The following AP3B1 variants were observed in gnomAD, a reference collection of about 807,000 sequenced individuals.
AP3B1 encodes the protein AP-3 complex subunit beta-1.
A neutral mutation model predicts 132.5 loss-of-function variants in AP3B1; 61 were observed. The observed-to-expected ratio is 0.46, with a 90% CI of 0.37 to 0.57. AP3B1 has a LOEUF of 0.57. AP3B1 is among the 20% of genes least tolerant of loss of function. AP3B1 has a pLI of 0.00. For missense variants in AP3B1, 1,120 were observed against 1,289.4 expected, an observed-to-expected ratio of 0.87 and a Z score of 2.01; for synonymous variants, 388 against 438.3, an observed-to-expected ratio of 0.89 and a Z score of 1.43.
intron 1 of AP3B1, among the ~76,000 whole-genome samples, chr5:78,275,858 A>AT (rs1748751978): frequency 6.6e-6 from 1 of 152,198 alleles, no homozygotes; most frequent in African/African-American, 2.4e-5. Context: ...TTCGAACAAC[A>AT]TAATTAAACA....
At chr5:78,094,321 T>C (rs973652671) in intron 21 of AP3B1, among the ~76,000 whole-genome samples, 5 of 152,238 alleles carry the variant, frequency 3.3e-5, no homozygotes, top group Non-Finnish European at 2.9e-5. Context: ...TATTGTTAAC[T>C]GACCCCCATG....
At chr5:78,278,358 G>GA (rs1268797465) in intron 1 of AP3B1, among the ~76,000 whole-genome samples, 19 of 93,274 alleles carry the variant, frequency 2.0e-4, no homozygotes, top group South Asian at 7.1e-4. Flanking sequence ...CTAATTCTTT[G>GA]GGAGGCCGAG....
intron 17 of AP3B1, among the ~76,000 whole-genome samples, chr5:78,122,155 G>A (rs1356719702): frequency 3.3e-5 from 5 of 152,080 alleles, no homozygotes; most frequent in Admixed American, 3.3e-4. Flanking sequence ...AACCCTTCAT[G>A]CTAAAAACTC....
intron 11 of AP3B1, among the ~76,000 whole-genome samples, chr5:78,168,079 G>A (rs1264012451): frequency 2.0e-5 from 3 of 149,922 alleles, no homozygotes; most frequent in Admixed American, 2.0e-4. Context: ...AGAAGGCAAA[G>A]ACTGTAGGAG....
intron 22 of AP3B1, 103 bp downstream of exon 22, chr5:78,089,290 T>A: frequency 1.2e-6 from 1 of 857,908 alleles, no homozygotes; most frequent in Non-Finnish European, 1.9e-6. Flanking sequence ...TAGAGAAGAA[T>A]CTGTTCAAAA....
At chr5:78,088,957 AAGAC>A (rs1401669786) in intron 22 of AP3B1, 2 of 161,458 alleles carry the variant, frequency 1.2e-5, no homozygotes, top group African/African-American at 4.8e-5. Context: ...GTACAAAAAT[AAGAC>A]AGAAAAAAAA....
At chr5:78,290,906 C>T (rs1039497781) in intron 1 of AP3B1, among the ~76,000 whole-genome samples, 1 of 152,116 alleles carries the variant, frequency 6.6e-6, no homozygotes, top group Non-Finnish European at 1.5e-5. Flanking sequence ...GCCATGATCA[C>T]ACCACTGCAC....
chr5:78,271,964 C>T (rs904895609), intron 1 of AP3B1, among the ~76,000 whole-genome samples: 1 of 152,166 alleles, frequency 6.6e-6, no homozygotes, highest in African/African-American at 2.4e-5. Flanking sequence ...CCCTTCCAGG[C>T]TCTAACAATT....
intron 14 of AP3B1, among the ~76,000 whole-genome samples, chr5:78,149,821 G>A (rs1018638738): frequency 6.6e-6 from 1 of 152,084 alleles, no homozygotes; most frequent in African/African-American, 2.4e-5. Context: ...GAGAAGTCTT[G>A]GCTTTGATCA....
rs539467531 is a variant in AP3B1 at position 78,029,626 on chromosome 5, C to T, written c.2894+4735G>A. ...ATTTGCCATGCTTTTTCCTCTTCCT[C>T]TTGGTTAAACTGACCAAGTTTTAAA... On this transcript the variant is annotated intron_variant, in intron 24 of 26. Transcript: ENST00000255194. 4.6e-5 allele frequency among the ~76,000 whole-genome samples: 7 copies of T among 152,274 alleles called. No homozygotes were observed. In the East Asian group the frequency reaches 1.3e-3, roughly 29 times the overall value.
At chr5:78,172,151 T>C (rs1343276253) in intron 11 of AP3B1, among the ~76,000 whole-genome samples, 1 of 152,268 alleles carries the variant, frequency 6.6e-6, no homozygotes, top group Non-Finnish European at 1.5e-5. Context: ...CATTATTTTA[T>C]TGAGGATTTT....
At chr5:78,036,888 A>G (rs1393880308) in intron 23 of AP3B1, among the ~76,000 whole-genome samples, 1 of 152,036 alleles carries the variant, frequency 6.6e-6, no homozygotes, top group Non-Finnish European at 1.5e-5. Flanking sequence ...TAATTTAGAC[A>G]TATTATATTC....
At chr5:78,205,453 A>G (rs977870748) in intron 7 of AP3B1, among the ~76,000 whole-genome samples, 5 of 151,896 alleles carry the variant, frequency 3.3e-5, no homozygotes, top group African/African-American at 7.3e-5. Context: ...ACACACACAC[A>G]CGCACACAAA....
intron 17 of AP3B1, 122 bp from the exon 18 acceptor site, chr5:78,116,356 G>A (rs1231761494): frequency 2.5e-6 from 2 of 792,380 alleles, no homozygotes; most frequent in African/African-American, 3.4e-5. Flanking sequence ...CACAGGGAAT[G>A]CAACTGTTAG....
rs748762029 is a variant in AP3B1, at chr5:78,110,170, A to AT, written c.2397+36dup. 7 of 1,566,502 alleles carry AT rather than the reference A, an allele frequency of 4.5e-6. No homozygotes were observed. In the African/African-American group the frequency reaches 9.4e-5, roughly 21 times the overall value. ...TGTCTATTTTAGTTGCTATAAGAAT[A>AT]TTTACCTTCAATTACAACAAATGTA... On this transcript the variant is annotated intron_variant, in intron 20 of 26. Transcript: ENST00000255194.
At chr5:78,202,287 C>A (rs1455343418) in intron 7 of AP3B1, among the ~76,000 whole-genome samples, 1 of 152,108 alleles carries the variant, frequency 6.6e-6, no homozygotes, top group East Asian at 1.9e-4. Flanking sequence ...TCTTTATTGG[C>A]AGCATGAAAA....
intron 22 of AP3B1, among the ~76,000 whole-genome samples, chr5:78,088,477 C>T (rs1028157690): frequency 2.6e-5 from 4 of 152,060 alleles, no homozygotes; most frequent in Non-Finnish European, 5.9e-5. Context: ...GCCCTGATAG[C>T]ATATTTGCTT....
intron 15 of AP3B1, among the ~76,000 whole-genome samples, chr5:78,137,103 A>C (rs535851053): frequency 2.3e-3 from 344 of 152,258 alleles, no homozygotes; most frequent in Non-Finnish European, 3.2e-3. Context: ...GGTTCTTCTT[A>C]TGTTGAGTAA....
intron 6 of AP3B1, among the ~76,000 whole-genome samples, chr5:78,224,963 T>C (rs1006687035): frequency 2.0e-5 from 3 of 152,002 alleles, no homozygotes; most frequent in Non-Finnish European, 4.4e-5. Flanking sequence ...CAGATATCTA[T>C]AGAACACTCC....
Sources: allele counts gnomAD v4.1 joint callset (sites outside exome capture counted in the v4.1 genomes callset), GRCh38; gene constraint gnomAD v4.1.1; transcripts MANE v1.5; gene names NCBI Gene and HGNC (gene_info 2026-07-23, HGNC 2026-07-21).